VPS72: variants seen among roughly 807,000 people sequenced by gnomAD.
VPS72 encodes the protein vacuolar protein sorting 72 homolog.
VPS72 carries 27 observed loss-of-function variants against 38.9 expected under a neutral mutation model. The observed-to-expected ratio is 0.69, with a 90% CI of 0.51 to 0.96. The LOEUF (loss-of-function observed/expected upper bound fraction) is 0.96, where lower values mean the gene tolerates loss of function less well. VPS72 is among the 40% of genes least tolerant of loss of function. VPS72 has a pLI of 0.00. For synonymous variants in VPS72, 173 were observed against 186.3 expected, an observed-to-expected ratio of 0.93 and a Z score of 0.58; for missense variants, 360 against 479.5, an observed-to-expected ratio of 0.75 and a Z score of 2.33.
chr1:151,182,217 C>T (rs1201846787), intron 4 of VPS72, among the ~76,000 whole-genome samples: 1 of 152,132 alleles, frequency 6.6e-6, no homozygotes, highest in East Asian at 1.9e-4. Flanking sequence ...TTAGTAGAGA[C>T]AGGGTTTCTC....
Position 151,185,867 on chromosome 1 carries a change from A to G in VPS72, c.201T>C (p.Asp67=). 6.2e-7 allele frequency: 1 copy of G among 1,614,104 alleles called. No homozygotes were observed. Among genetic ancestry groups the G allele is most frequent in the Non-Finnish European group, 8.5e-7 (1 of 1,180,018 alleles). Residue 67 remains aspartate (D), a synonymous_variant, in exon 2 of 6, where the codon GAT becomes GAC. Transcript: ENST00000368892. ...CTGCTTCTCCATCACTGGATGGTTC[A>G]TCCCCTTCATCAATGTCAAAGTCAG... is the stretch of plus-strand genomic sequence containing the variant. ...VDSDFDIDEG[D]EPSSDGEAEE...
chr1:151,176,568 G>T lies in VPS72; in HGVS notation c.*76C>A. 1 of 1,547,488 alleles carries T rather than the reference G, an allele frequency of 6.5e-7. No homozygotes were observed. The highest frequency in any genetic ancestry group is 2.3e-5 in the East Asian group (1 of 44,316). ...CAAAGATCAGAGATGACAAAGGGGAGAAGCAGGGAGAAGAAACGGAACAGC... is the reference window on the plus strand; with the variant it reads ...CAAAGATCAGAGATGACAAAGGGGATAAGCAGGGAGAAGAAACGGAACAGC... On this transcript the variant is annotated 3_prime_UTR_variant, in exon 6 of 6. Transcript: ENST00000368892.
chr1:151,185,866 C>T lies in VPS72; in HGVS notation c.202G>A (p.Glu68Lys). Residue 68 changes from glutamate (E) to lysine (K), a missense_variant, in exon 2 of 6, where the codon GAA (glutamate) becomes AAA (lysine). Around this residue, in one of 2 missense-constraint regions of VPS72, gnomAD observed 66 missense variants for 123.1 expected, o/e 0.54. Coordinates refer to ENST00000368892, the MANE Select transcript of VPS72 (RefSeq NM_005997.3). ...TCTGCTTCTCCATCACTGGATGGTT[C>T]ATCCCCTTCATCAATGTCAAAGTCA... ...DSDFDIDEGD[E>K]PSSDGEAEEP... 1 of 1,614,160 alleles carries T rather than the reference C, an allele frequency of 6.2e-7. No individual in the cohort carries two copies. The highest frequency in any genetic ancestry group is 8.5e-7 in the Non-Finnish European group (1 of 1,180,032).
intron 5 of VPS72, among the ~76,000 whole-genome samples, chr1:151,177,252 G>C (rs1684132072): frequency 6.6e-6 from 1 of 152,112 alleles, no homozygotes; most frequent in Non-Finnish European, 1.5e-5. Flanking sequence ...GGGCGTGGTG[G>C]CGGATGCCTG....
intron 3 of VPS72, among the ~76,000 whole-genome samples, chr1:151,184,864 C>G (rs1684314592): frequency 6.6e-6 from 1 of 151,972 alleles, no homozygotes; most frequent in Non-Finnish European, 1.5e-5. Flanking sequence ...GGATTACAGG[C>G]ATGAGCAACC....
At position 151,184,458 on chromosome 1, in the gene VPS72, T is replaced by C; in HGVS notation, c.421A>G (p.Thr141Ala). ...KSMRQSTAEH[T>A]RQTFLRVQER... ...TGTACCCGAAGGAACGTTTGTCGTG[T>C]ATGCTCAGCTGTAGACTGACGCATA... The change falls in exon 4 of 6, where the codon ACA (threonine) becomes GCA (alanine). Residue 141 changes from threonine to alanine, a missense_variant. By Grantham distance (58) the Thr-to-Ala change is moderately conservative. This residue lies in a region of VPS72 where 294 missense variants were observed against 356.3 expected (regional missense o/e 0.83). Transcript: ENST00000368892. 1.9e-6 allele frequency: 3 copies of C among 1,613,900 alleles called. No individual in the cohort carries two copies. Among genetic ancestry groups the C allele is most frequent in the Non-Finnish European group, 2.5e-6 (3 of 1,180,040 alleles).
chr1:151,185,167 G>C (rs983306355), intron 3 of VPS72, among the ~76,000 whole-genome samples: 2 of 151,838 alleles, frequency 1.3e-5, no homozygotes, highest in African/African-American at 2.4e-5. Context: ...TGGTGACAGA[G>C]TTTTGCTCTT....
intron 4 of VPS72, among the ~76,000 whole-genome samples, chr1:151,178,385 G>A (rs1684164159): frequency 6.6e-6 from 1 of 152,130 alleles, no homozygotes; most frequent in African/African-American, 2.4e-5. Context: ...GCCCTCTATA[G>A]TACCTCAGAG....
intron 2 of VPS72, 66 bp from the exon 3 acceptor site, chr1:151,185,686 T>A (rs1334055722): frequency 6.2e-7 from 1 of 1,608,910 alleles, no homozygotes; most frequent in African/African-American, 1.3e-5. Context: ...AGGATCTCAA[T>A]GAGAGAAAAC....
chr1:151,184,771 G>A (rs149768057), intron 3 of VPS72, among the ~76,000 whole-genome samples: 5 of 151,766 alleles, frequency 3.3e-5, no homozygotes, highest in African/African-American at 1.2e-4. Flanking sequence ...ATTTTTAGTA[G>A]AGATGGGGTT....
Position 151,185,930 on chromosome 1 carries a change from A to G in VPS72, c.138T>C (p.Tyr46=), listed in dbSNP as rs1684338846. The G allele has an allele frequency of 6.2e-7, 1 of 1,613,918 alleles. No homozygotes were observed. The change falls in exon 2 of 6, where the codon TAT becomes TAC. Residue 46 remains tyrosine, a synonymous_variant. Transcript: ENST00000368892. ...GFTEESGDDE[Y]QGDQSDTEDE... is the part of the protein sequence containing the mutation. ...CCTCTGTGTCTGACTGGTCCCCTTGATACTCATCATCTCCGGATTCCTAAG... is the reference window on the plus strand; with the variant it reads ...CCTCTGTGTCTGACTGGTCCCCTTGGTACTCATCATCTCCGGATTCCTAAG...
chr1:151,177,842 C>CAA (rs371399234), intron 5 of VPS72, among the ~76,000 whole-genome samples, 159 bp downstream of exon 5: 1 of 126,008 alleles, frequency 7.9e-6, no homozygotes, highest in Non-Finnish European at 1.7e-5. Context: ...CATCATGTCT[C>CAA]AAAAAAAAAA....
intron 4 of VPS72, among the ~76,000 whole-genome samples, chr1:151,183,388 C>T (rs1383511959): frequency 7.7e-6 from 1 of 129,110 alleles, no homozygotes; most frequent in African/African-American, 3.0e-5. Context: ...TACCACTGCA[C>T]TCCAGCCTGG....
At chr1:151,180,375 T>G (rs1180469687) in intron 4 of VPS72, among the ~76,000 whole-genome samples, 1 of 151,992 alleles carries the variant, frequency 6.6e-6, no homozygotes, top group African/African-American at 2.4e-5. Flanking sequence ...TCTCTTGCAC[T>G]TGAACTGTTT....
intron 1 of VPS72, among the ~76,000 whole-genome samples, chr1:151,186,961 G>A (rs895314556): frequency 6.6e-6 from 1 of 152,146 alleles, no homozygotes; most frequent in East Asian, 1.9e-4. Context: ...AATCATTGTT[G>A]AGGTAAACTA....
intron 4 of VPS72, 111 bp from the exon 5 acceptor site, chr1:151,178,256 AACT>A: frequency 7.2e-7 from 1 of 1,387,376 alleles, no homozygotes; most frequent in Non-Finnish European, 9.5e-7. Context: ...AGTCACTGCC[AACT>A]ACCAGAGACA....
intron 4 of VPS72, among the ~76,000 whole-genome samples, chr1:151,182,584 A>G (rs890278697): frequency 6.6e-5 from 10 of 152,172 alleles, no homozygotes; most frequent in African/African-American, 2.4e-4. Flanking sequence ...CCAAGCTTGA[A>G]AAGTTTTGCT....
At chr1:151,180,764 AC>A (rs765495610) in intron 4 of VPS72, among the ~76,000 whole-genome samples, 18 of 152,112 alleles carry the variant, frequency 1.2e-4, no homozygotes, top group Admixed American at 2.6e-4. Flanking sequence ...ACACTTGCCT[AC>A]ACCCTCTGGA....
chr1:151,185,451 G>A, intron 3 of VPS72, 55 bp downstream of exon 3: 2 of 1,525,048 alleles, frequency 1.3e-6, no homozygotes, highest in Non-Finnish European at 9.1e-7. Flanking sequence ...ACACTGATAT[G>A]ATACTTTATT....
Sources: gnomAD v4.1 joint callset for allele counts (sites outside exome capture counted in the v4.1 genomes callset) on GRCh38, gnomAD v4.1.1 for gene constraint, gnomAD v4.1.1 regional missense constraint, MANE v1.5 for transcripts, NCBI Gene and HGNC (gene_info 2026-07-23, HGNC 2026-07-21) for gene names.